ADORA1: variants seen among roughly 807,000 people sequenced by gnomAD.
The protein encoded by ADORA1 is adenosine A1 receptor.
In ADORA1, 6 loss-of-function variants were observed where a neutral mutation model predicts 19.9. That is an observed-to-expected ratio of 0.30 (90% CI 0.17 to 0.59). ADORA1 has a LOEUF of 0.59. Among genes scored for constraint, ADORA1 ranks in the 20% least tolerant of loss-of-function variants. The pLI, the probability that ADORA1 is intolerant of heterozygous loss-of-function variation, is 0.87. For missense variants in ADORA1, 302 were observed against 439.2 expected (o/e 0.69, Z 2.79); for synonymous variants, 194 against 188.4 (o/e 1.03, Z -0.24).
At chr1:203,162,161 G>A (rs1194359372) in intron 3 of ADORA1, among the ~76,000 whole-genome samples, 1 of 152,206 alleles carries the variant, frequency 6.6e-6, no homozygotes, top group Non-Finnish European at 1.5e-5. Context: ...GGATAGGTGA[G>A]CTTCTCTCCT....
chr1:203,155,421 G>A (rs998650188), intron 3 of ADORA1, among the ~76,000 whole-genome samples: 1 of 152,172 alleles, frequency 6.6e-6, no homozygotes, highest in Admixed American at 6.5e-5. Context: ...GCATCCAGAA[G>A]GAGTGCCCTC....
chr1:203,154,770 C>T (rs1312380646), intron 3 of ADORA1, among the ~76,000 whole-genome samples: 1 of 152,194 alleles, frequency 6.6e-6, no homozygotes, highest in Non-Finnish European at 1.5e-5. Context: ...TGATACAAAA[C>T]AGGGCAGGGC....
In ADORA1 at chr1:203,128,783, A is replaced by G. The variant is rs1280238009; in HGVS notation, c.-57-2A>G. The G allele has an allele frequency of 2.6e-6, 4 of 1,539,422 alleles. No homozygotes were observed. The highest frequency in any genetic ancestry group is 3.5e-6 in the Non-Finnish European group (4 of 1,147,758). On this transcript the variant is annotated splice_acceptor_variant, in intron 2 of 3. Coordinates refer to ENST00000337894, the MANE Select transcript of ADORA1 (RefSeq NM_000674.3). LOFTEE classifies it low-confidence loss of function (5UTR_SPLICE). The surrounding 1 kb of genome is among the most constrained non-coding windows in gnomAD (Gnocchi z 5.9). ...CCATCCCAGGCTTCCCTGACCACAC[A>G]GGTGCTTGCCTCGTGCCCCTTGGTG...
intron 3 of ADORA1, among the ~76,000 whole-genome samples, chr1:203,135,765 A>G (rs1654485642): frequency 6.6e-6 from 1 of 152,218 alleles, no homozygotes; most frequent in South Asian, 2.1e-4. Flanking sequence ...TGTGTCACCC[A>G]GTAAATAGTG....
At chr1:203,131,723 G>T (rs1654337416) in intron 3 of ADORA1, among the ~76,000 whole-genome samples, 1 of 152,192 alleles carries the variant, frequency 6.6e-6, no homozygotes, top group African/African-American at 2.4e-5. Context: ...AGGGATCCTG[G>T]CTGAGGTGTT....
Position 203,165,051 on chromosome 1 carries a change from T to C in ADORA1, c.342-210T>C. 6.4e-7 allele frequency: 1 copy of C among 1,550,474 alleles called. No homozygotes were observed. Among genetic ancestry groups the C allele is most frequent in the Non-Finnish European group, 8.7e-7 (1 of 1,146,908 alleles). On this transcript the variant is annotated intron_variant, in intron 3 of 3. Coordinates refer to ENST00000337894, the MANE Select transcript of ADORA1 (RefSeq NM_000674.3). This position sits in a 1 kb window ranked among gnomAD's most constrained non-coding sequence, Gnocchi z 5.9. ...GTCATTAATCAGGATTTCCTCTCTC[T>C]GTAGGAGAATAAGCCAATGCATGGC...
At chr1:203,153,227 A>T (rs1288290381) in intron 3 of ADORA1, among the ~76,000 whole-genome samples, 3 of 152,228 alleles carry the variant, frequency 2.0e-5, no homozygotes, top group Non-Finnish European at 4.4e-5. Context: ...TGCCGCTCTC[A>T]TCACACTGGG....
Position 203,129,190 on chromosome 1 carries a change from C to T in ADORA1, c.341+8C>T, listed in dbSNP as rs767221044. 2 of 1,603,270 alleles carry T rather than the reference C, an allele frequency of 1.2e-6. No individual in the cohort carries two copies. Among genetic ancestry groups the T allele is most frequent in the South Asian group, 2.2e-5 (2 of 88,998 alleles). On this transcript the variant is annotated splice_region_variant and intron_variant, in intron 3 of 3. Coordinates refer to ENST00000337894, the MANE Select transcript of ADORA1 (RefSeq NM_000674.3). ...GGTCAAGATCCCTCTCCGGTGAGTCCACAGCGCCGAAGGTACTCGCAGCAC... is the reference window on the plus strand; with the variant it reads ...GGTCAAGATCCCTCTCCGGTGAGTCTACAGCGCCGAAGGTACTCGCAGCAC...
intron 3 of ADORA1, among the ~76,000 whole-genome samples, chr1:203,138,806 C>T (rs1654590360): frequency 6.6e-6 from 1 of 152,162 alleles, no homozygotes; most frequent in East Asian, 1.9e-4. Context: ...CTGTCTTACT[C>T]TGGGATTTTA....
At chr1:203,154,406 T>C (rs1416430814) in intron 3 of ADORA1, among the ~76,000 whole-genome samples, 1 of 152,154 alleles carries the variant, frequency 6.6e-6, no homozygotes, top group Non-Finnish European at 1.5e-5. Flanking sequence ...CCGAGGGCCT[T>C]ATACCAGGAA....
chr1:203,147,321 T>C (rs992069047), intron 3 of ADORA1, among the ~76,000 whole-genome samples: 10 of 152,194 alleles, frequency 6.6e-5, no homozygotes, highest in South Asian at 4.1e-4. Context: ...GCCTTTTTTT[T>C]CCTCGTATCG....
At chr1:203,138,514 A>G (rs567085566) in intron 3 of ADORA1, among the ~76,000 whole-genome samples, 2 of 152,328 alleles carry the variant, frequency 1.3e-5, no homozygotes, top group South Asian at 4.1e-4. Context: ...ACTCAGACCC[A>G]GTGTGGTACC....
intron 3 of ADORA1, among the ~76,000 whole-genome samples, chr1:203,159,418 T>A (rs1029546367): frequency 1.3e-4 from 20 of 152,216 alleles, no homozygotes; most frequent in African/African-American, 4.8e-4. Context: ...CCTTCACCCC[T>A]GAGGCTCCTT....
chr1:203,157,570 G>T (rs1655235250), intron 3 of ADORA1, among the ~76,000 whole-genome samples: 1 of 152,224 alleles, frequency 6.6e-6, no homozygotes, highest in African/African-American at 2.4e-5. Context: ...GGCTCCAGGA[G>T]GCATTGCCCT....
At chr1:203,152,573 TGGGATGGTTTTTTCCTGTCCCAC>T (rs72372371) in intron 3 of ADORA1, 96,172 of 136,588 alleles carry the variant, frequency 0.7, 31,793 homozygotes, top group African/African-American at 0.84. Context: ...TGAATGCAGA[TGGGATGGTTTTTTCCTGTCCCAC>T]GGGATGAGTC....
chr1:203,134,973 G>T (rs1654458832), intron 3 of ADORA1, among the ~76,000 whole-genome samples: 1 of 151,958 alleles, frequency 6.6e-6, no homozygotes, highest in African/African-American at 2.4e-5. Context: ...TCATCTTTTG[G>T]GTCTCAGCTA....
intron 3 of ADORA1, among the ~76,000 whole-genome samples, chr1:203,163,613 G>T (rs1400047879): frequency 6.6e-6 from 1 of 152,044 alleles, no homozygotes; most frequent in Non-Finnish European, 1.5e-5. Context: ...TTCTTCACTG[G>T]GACAATGAAG....
At chr1:203,143,565 G>GTA (rs1654766037) in intron 3 of ADORA1, among the ~76,000 whole-genome samples, 2 of 152,100 alleles carry the variant, frequency 1.3e-5, no homozygotes, top group African/African-American at 4.8e-5. Flanking sequence ...GTGTTTGTGT[G>GTA]TGCAGGGGGT....
chr1:203,150,501 AG>A, intron 3 of ADORA1: 1 of 776,848 alleles, frequency 1.3e-6, no homozygotes, highest in Non-Finnish European at 1.8e-6. Flanking sequence ...AGGAGATACC[AG>A]GAGGGTCAAT....
Sources: allele counts gnomAD v4.1 joint callset (sites outside exome capture counted in the v4.1 genomes callset), GRCh38; gene constraint gnomAD v4.1.1; non-coding constraint Gnocchi (gnomAD v3.1); transcripts MANE v1.5; gene names NCBI Gene and HGNC (gene_info 2026-07-23, HGNC 2026-07-21).